Variants in BNC2 observed in about 807,000 individuals in gnomAD.
The protein encoded by BNC2 is zinc finger protein basonuclin-2.
BNC2 carries 20 observed loss-of-function variants against 76.3 expected under a neutral mutation model. The observed-to-expected ratio is 0.26, with a 90% CI of 0.18 to 0.38. The LOEUF (loss-of-function observed/expected upper bound fraction) is 0.38. Ranked by LOEUF, BNC2 falls within the 10% of genes least tolerant of loss-of-function variation. The probability of loss-of-function intolerance (pLI) is 1.00; values close to 1 mark genes in which losing one functional copy is unlikely to be tolerated. For missense variants in BNC2, 1,382 were observed against 1,399.8 expected (o/e 0.99, Z 0.20); for synonymous variants, 582 against 514.8 (o/e 1.13, Z -1.77).
At chr9:16,658,579 C>G (rs147256492) in intron 3 of BNC2, among the ~76,000 whole-genome samples, 194 of 152,248 alleles carry the variant, frequency 1.3e-3, no homozygotes, top group African/African-American at 4.6e-3. Context: ...TTAGAGGGAA[C>G]AGTTCCAATG....
At chr9:16,735,637 C>A (rs1027357698) in intron 2 of BNC2, among the ~76,000 whole-genome samples, 2 of 152,064 alleles carry the variant, frequency 1.3e-5, no homozygotes, top group African/African-American at 2.4e-5. Flanking sequence ...GCTGGGATTA[C>A]AGGCGTGTGC....
intron 5 of BNC2, among the ~76,000 whole-genome samples, chr9:16,496,406 T>C (rs921529445): frequency 1.3e-5 from 2 of 152,220 alleles, no homozygotes; most frequent in African/African-American, 2.4e-5. Context: ...AGAACTAGGA[T>C]TGGACTATTA....
At chr9:16,568,095 C>T (rs749044157) in intron 4 of BNC2, among the ~76,000 whole-genome samples, 7 of 152,096 alleles carry the variant, frequency 4.6e-5, no homozygotes, top group African/African-American at 7.2e-5. Context: ...CTAATTGTTT[C>T]GAGAACTCTG....
intron 5 of BNC2, among the ~76,000 whole-genome samples, chr9:16,508,630 G>C (rs952062325): frequency 3.3e-5 from 5 of 152,090 alleles, no homozygotes; most frequent in African/African-American, 7.2e-5. Context: ...GTTCCACGCA[G>C]GTCAAAATTC....
chr9:16,857,984 A>G (rs997741778), intron 1 of BNC2, among the ~76,000 whole-genome samples: 1 of 152,232 alleles, frequency 6.6e-6, no homozygotes, highest in African/African-American at 2.4e-5. Context: ...AAAATTTGCC[A>G]GGTAAACTGT....
At chr9:16,527,433 C>A (rs1392595131) in intron 5 of BNC2, among the ~76,000 whole-genome samples, 1 of 152,176 alleles carries the variant, frequency 6.6e-6, no homozygotes, top group Non-Finnish European at 1.5e-5. Flanking sequence ...GGAGTCTTAT[C>A]ATCTATTGTT....
intron 3 of BNC2, among the ~76,000 whole-genome samples, chr9:16,626,988 G>A (rs566668652): frequency 2.0e-5 from 3 of 152,304 alleles, no homozygotes; most frequent in Non-Finnish European, 4.4e-5. Context: ...CAGTGACAGT[G>A]AGGCGACTGA....
chr9:16,832,761 C>G (rs1442500966), intron 1 of BNC2, among the ~76,000 whole-genome samples: 3 of 151,848 alleles, frequency 2.0e-5, no homozygotes. Context: ...GAGTCTCGCT[C>G]TGTCACCAGG....
At chr9:16,439,751 C>T (rs990852255) in intron 5 of BNC2, among the ~76,000 whole-genome samples, 1 of 152,038 alleles carries the variant, frequency 6.6e-6, no homozygotes. Context: ...AGTTATGTGC[C>T]CCCCTTTGTA....
rs34250344 is a variant in BNC2 at position 16,418,665 on chromosome 9, T to TGC, written c.*323_*324insGC. ...GTCAAAACTGGGGCTAGTTGCACACTGTGTGTGTGTGTGTGTGTGTGTGTG... is the reference window on the plus strand; with the variant it reads ...GTCAAAACTGGGGCTAGTTGCACACTGCGTGTGTGTGTGTGTGTGTGTGTGTG... On this transcript the variant is annotated 3_prime_UTR_variant, in exon 7 of 7. Transcript: ENST00000380672. 2.7e-4 allele frequency: 19 copies of TGC among 70,992 alleles called. No individual in the cohort carries two copies. The East Asian group carries it at 6.7e-3, about 25-fold the overall frequency. The allele number at this position is 70,992 out of a possible 1,614,324, so 4.4% of individuals were successfully genotyped here.
intron 3 of BNC2, among the ~76,000 whole-genome samples, chr9:16,616,856 G>A (rs1174258868): frequency 7.5e-6 from 1 of 133,882 alleles, no homozygotes; most frequent in Non-Finnish European, 1.6e-5. Context: ...TGACACGTGG[G>A]AATTTCGTAG....
At chr9:16,509,365 T>C (rs1053559100) in intron 5 of BNC2, among the ~76,000 whole-genome samples, 1 of 152,210 alleles carries the variant, frequency 6.6e-6, no homozygotes, top group African/African-American at 2.4e-5. Context: ...GCAGCTGTTG[T>C]CTACAGTCCT....
chr9:16,741,491 A>G (rs1018081048), intron 1 of BNC2, among the ~76,000 whole-genome samples: 1 of 152,070 alleles, frequency 6.6e-6, no homozygotes, highest in African/African-American at 2.4e-5. Flanking sequence ...GTAAGAAATG[A>G]GTAACAGAAA....
intron 1 of BNC2, among the ~76,000 whole-genome samples, chr9:16,838,201 G>T (rs1352020658): frequency 1.3e-5 from 2 of 152,106 alleles, no homozygotes; most frequent in African/African-American, 2.4e-5. Context: ...TGTTTCTTTG[G>T]AATTTTTTTC....
intron 3 of BNC2, among the ~76,000 whole-genome samples, chr9:16,623,380 G>GT (rs983517055): frequency 1.3e-5 from 2 of 152,066 alleles, no homozygotes; most frequent in Non-Finnish European, 2.9e-5. Context: ...AATAAATGAC[G>GT]TTATATTCTA....
Position 16,436,055 on chromosome 9 carries a change from A to G in BNC2, c.2139T>C (p.Ser713=), listed in dbSNP as rs1821005014. 1 of 1,614,134 alleles carries G rather than the reference A, an allele frequency of 6.2e-7. No individual in the cohort carries two copies. Among genetic ancestry groups the G allele is most frequent in the Non-Finnish European group, 8.5e-7 (1 of 1,180,020 alleles). The stretch of plus-strand genomic sequence containing the variant: ...AGTCCCGCTCAGGTTCTTGGTCTTC[A>G]GAAGTCATGCTGTCGGCCCTCCTTA... ...TEIRRADSMT[S]EDQEPERDYE... The change falls in exon 6 of 7, where the codon TCT becomes TCC. Residue 713 remains serine, a synonymous_variant. Transcript: ENST00000380672.
At chr9:16,749,896 G>A (rs1302342103) in intron 1 of BNC2, among the ~76,000 whole-genome samples, 2 of 152,136 alleles carry the variant, frequency 1.3e-5, no homozygotes, top group African/African-American at 4.8e-5. Flanking sequence ...AATGGTGAAT[G>A]CAGCAGAAAA....
intron 2 of BNC2, among the ~76,000 whole-genome samples, chr9:16,728,535 C>T (rs1427320822): frequency 6.6e-6 from 1 of 151,822 alleles, no homozygotes; most frequent in Non-Finnish European, 1.5e-5. Flanking sequence ...AACTGTGATA[C>T]TTAAATTTTT....
intron 6 of BNC2, among the ~76,000 whole-genome samples, chr9:16,426,414 C>T (rs1820805062): frequency 1.3e-5 from 2 of 151,670 alleles, no homozygotes; most frequent in African/African-American, 4.8e-5. Flanking sequence ...ATCTGCCTGC[C>T]TCAGCCTCCC....
Sources: gnomAD v4.1 joint callset for allele counts (sites outside exome capture counted in the v4.1 genomes callset) on GRCh38, gnomAD v4.1.1 for gene constraint, MANE v1.5 for transcripts, NCBI Gene and HGNC (gene_info 2026-07-23, HGNC 2026-07-21) for gene names.